TAAR1: variants seen among roughly 807,000 people sequenced by gnomAD.
TAAR1 encodes the protein trace amine associated receptor 1.
Under a neutral mutation model 1.2 loss-of-function variants are expected in TAAR1, and 1 was observed. That is an observed-to-expected ratio of 0.81 (90% confidence interval 0.29 to 3.86). The LOEUF is 3.86. Ranked by LOEUF, TAAR1 falls within the 30% of genes most tolerant of loss-of-function variation. The pLI, the probability that TAAR1 is intolerant of heterozygous loss-of-function variation, is 0.18. For missense variants in TAAR1, 445 were observed against 405.6 expected (o/e 1.10, Z -0.83); for synonymous variants, 153 against 132.2 (o/e 1.16, Z -1.08).
In TAAR1 at chr6:132,645,922, T is replaced by A. The variant is rs558642256; in HGVS notation, c.82A>T (p.Ser28Cys). Residue 28 changes from serine to cysteine, a missense_variant, in exon 2 of 2, where the codon AGT becomes TGT. Transcript: ENST00000275216. Reference sequence around the variant, plus strand: ...GTCAGAATTATGAGCACCATTAAACTGTACAGGGAAGCACGGACATCATTT... The same window carrying A: ...GTCAGAATTATGAGCACCATTAAACAGTACAGGGAAGCACGGACATCATTT... ...WSNDVRASLYSLMVLIILTTL... is the reference protein window; with the variant it reads ...WSNDVRASLYCLMVLIILTTL... 2.5e-4 allele frequency: 404 copies of A among 1,613,676 alleles called. 8 individuals are homozygous for A. In the South Asian group the frequency reaches 4.4e-3, roughly 17 times the overall value.
intron 1 of TAAR1, among the ~76,000 whole-genome samples, chr6:132,657,119 C>T (rs1434980627): frequency 2.0e-5 from 3 of 152,146 alleles, no homozygotes; most frequent in African/African-American, 4.8e-5. Context: ...CAAGGAAACA[C>T]TTAACATTGG....
intron 1 of TAAR1, among the ~76,000 whole-genome samples, chr6:132,655,816 G>A (rs1184597025): frequency 6.6e-6 from 1 of 152,202 alleles, no homozygotes; most frequent in Non-Finnish European, 1.5e-5. Flanking sequence ...AGGGTGGAGA[G>A]GAGAGATCAC....
chr6:132,650,911 C>G (rs908844054), intron 1 of TAAR1, among the ~76,000 whole-genome samples: 1 of 152,168 alleles, frequency 6.6e-6, no homozygotes, highest in Non-Finnish European at 1.5e-5. Context: ...TTTCATTTAT[C>G]GACTACCCCT....
At chr6:132,650,052 C>A (rs75853082) in intron 1 of TAAR1, among the ~76,000 whole-genome samples, 2,409 of 152,234 alleles carry the variant, frequency 0.016, 70 homozygotes, top group African/African-American at 0.055. Context: ...ATCATAGACT[C>A]GCCTCCATCT....
intron 1 of TAAR1, among the ~76,000 whole-genome samples, chr6:132,650,108 C>T (rs1777734396): frequency 6.6e-6 from 1 of 152,164 alleles, no homozygotes; most frequent in African/African-American, 2.4e-5. Context: ...TTATCAATGA[C>T]AAGAGTCATC....
intron 1 of TAAR1, among the ~76,000 whole-genome samples, chr6:132,650,141 A>G (rs1226655455): frequency 3.3e-5 from 5 of 152,252 alleles, no homozygotes; most frequent in South Asian, 2.1e-4. Flanking sequence ...TTCAAGCTTC[A>G]CATCCTGTCC....
At chr6:132,647,324 A>G (rs1777683817) in intron 1 of TAAR1, among the ~76,000 whole-genome samples, 1 of 150,836 alleles carries the variant, frequency 6.6e-6, no homozygotes, top group Non-Finnish European at 1.5e-5. Flanking sequence ...ATTCTGAGCT[A>G]AATTCTAGAA....
rs371387120 is a variant in TAAR1, at chr6:132,646,061, C to A, written c.-58G>T. On this transcript the variant is annotated 5_prime_UTR_variant, in exon 2 of 2. Transcript: ENST00000275216. ...TTTGTGTGTTGATTTATCTTTTTCC[C>A]AAATCCATAATCAGGTTACAGTTCC... 86 of 1,504,398 alleles carry A rather than the reference C, an allele frequency of 5.7e-5. No individual in the cohort carries two copies. In the African/African-American group the frequency reaches 9.4e-4, roughly 16 times the overall value. 93.2% of individuals were successfully genotyped at this position (1,504,398 alleles called of 1,614,324 possible).
At chr6:132,651,888 C>A (rs1777753883) in intron 1 of TAAR1, among the ~76,000 whole-genome samples, 1 of 152,192 alleles carries the variant, frequency 6.6e-6, no homozygotes, top group African/African-American at 2.4e-5. Context: ...CCCTATCAGG[C>A]CAAAGAAACC....
chr6:132,647,538 G>A (rs1248347448), intron 1 of TAAR1, among the ~76,000 whole-genome samples: 1 of 138,478 alleles, frequency 7.2e-6, no homozygotes, highest in Non-Finnish European at 1.5e-5. Flanking sequence ...AGGAGGGAAG[G>A]AAGGAAGAAA....
chr6:132,657,383 C>CATATAT (rs10628687), intron 1 of TAAR1, among the ~76,000 whole-genome samples: 3 of 148,462 alleles, frequency 2.0e-5, no homozygotes, highest in South Asian at 2.1e-4. Flanking sequence ...GTCAGACTTA[C>CATATAT]ATATATATAT....
Position 132,649,044 on chromosome 6 carries a change from G to A in TAAR1, c.-126-2915C>T, listed in dbSNP as rs368833993. ...AGAGTGCCTCAACTTTCCAACAGAA[G>A]GTCATGAACACTAACCCTATCATAA... On this transcript the variant is annotated intron_variant, in intron 1 of 1. Coordinates refer to ENST00000275216, the MANE Select transcript of TAAR1 (RefSeq NM_138327.4). 9.9e-5 allele frequency among the ~76,000 whole-genome samples: 15 copies of A among 152,254 alleles called. No homozygotes were observed. In the South Asian group the frequency reaches 2.7e-3, roughly 27 times the overall value.
chr6:132,644,843 C>T lies in TAAR1; in HGVS notation c.*141G>A, dbSNP rs1369120778. On this transcript the variant is annotated 3_prime_UTR_variant, in exon 2 of 2. Coordinates refer to ENST00000275216, the MANE Select transcript of TAAR1 (RefSeq NM_138327.4). ...CAAATAGGAAATTACCTATAAGCATCATAATTTAACTCACCATACATACTT... is the reference window on the plus strand; with the variant it reads ...CAAATAGGAAATTACCTATAAGCATTATAATTTAACTCACCATACATACTT... 1 of 648,674 alleles carries T rather than the reference C, an allele frequency of 1.5e-6. No individual in the cohort carries two copies. Among genetic ancestry groups the T allele is most frequent in the Non-Finnish European group, 2.5e-6 (1 of 393,218 alleles). 40.2% of individuals were successfully genotyped at this position (648,674 alleles called of 1,614,324 possible). A position where few individuals can be genotyped will look rare whatever the true frequency, so the allele number is the denominator to read the frequency against.
chr6:132,646,278 A>T (rs1389065083), intron 1 of TAAR1, among the ~76,000 whole-genome samples, 149 bp from the exon 2 acceptor site: 1 of 152,184 alleles, frequency 6.6e-6, no homozygotes, highest in Non-Finnish European at 1.5e-5. Flanking sequence ...AGCAATTTTT[A>T]AAAAACTTTT....
rs1284254753 is a variant in TAAR1 at position 132,644,780 on chromosome 6, G to T, written c.*204C>A. ...TACTGGATTTGCAAAGTTCCATTATGTGTGGTAAGAATGGAAAAGCGTATA... is the reference window on the plus strand; with the variant it reads ...TACTGGATTTGCAAAGTTCCATTATTTGTGGTAAGAATGGAAAAGCGTATA... On this transcript the variant is annotated 3_prime_UTR_variant, in exon 2 of 2. Coordinates refer to ENST00000275216, the MANE Select transcript of TAAR1 (RefSeq NM_138327.4). Among the ~76,000 whole-genome samples the T allele has an allele frequency of 1.3e-5, 2 of 151,970 alleles. No homozygotes were observed. Among genetic ancestry groups the T allele is most frequent in the African/African-American group, 4.8e-5 (2 of 41,384 alleles).
chr6:132,657,811 A>G (rs936582284), intron 1 of TAAR1, among the ~76,000 whole-genome samples: 1 of 152,038 alleles, frequency 6.6e-6, no homozygotes, highest in Non-Finnish European at 1.5e-5. Flanking sequence ...GGTGAATTTT[A>G]TTTACTTTTC....
At chr6:132,656,118 A>G (rs1466400864) in intron 1 of TAAR1, among the ~76,000 whole-genome samples, 1 of 152,180 alleles carries the variant, frequency 6.6e-6, no homozygotes, top group Non-Finnish European at 1.5e-5. Flanking sequence ...GACCTTGAAC[A>G]TACTACCCAG....
Position 132,645,812 on chromosome 6 carries a change from GGAAT to G in TAAR1, c.188_191del (p.His63ProfsTer19). 1 of 1,613,744 alleles carries G rather than the reference GGAAT, an allele frequency of 6.2e-7. No individual in the cohort carries two copies. Among genetic ancestry groups the G allele is most frequent in the South Asian group, 1.1e-5 (1 of 91,066 alleles). ...CCAGAAGAAAGTCCACAGTGGCCAT[GGAAT>G]GAATGAGCCAATTTGTTGGGGTATG... is the stretch of plus-strand genomic sequence containing the variant. On this transcript the variant is annotated frameshift_variant, in exon 2 of 2. Transcript: ENST00000275216. LOFTEE classifies it low-confidence loss of function (END_TRUNC).
intron 1 of TAAR1, among the ~76,000 whole-genome samples, chr6:132,653,479 T>C (rs67159794): frequency 0.06 from 9,065 of 152,316 alleles, 308 homozygotes; most frequent in East Asian, 0.11. Context: ...TCTTTGTGTG[T>C]GTCTGTTTAA....
Sources: gnomAD v4.1 joint callset for allele counts (sites outside exome capture counted in the v4.1 genomes callset) on GRCh38, gnomAD v4.1.1 for gene constraint, MANE v1.5 for transcripts, NCBI Gene and HGNC (gene_info 2026-07-23, HGNC 2026-07-21) for gene names.